Variants in SRC observed in about 807,000 individuals in gnomAD.
SRC encodes SRC proto-oncogene, non-receptor tyrosine kinase.
A neutral mutation model predicts 62.9 loss-of-function variants in SRC; 13 were observed. The observed-to-expected ratio is 0.21, with a 90% CI of 0.13 to 0.33. The LOEUF (loss-of-function observed/expected upper bound fraction) is 0.33. Among genes scored for constraint, SRC ranks in the 10% least tolerant of loss-of-function variants. SRC has a pLI of 1.00. For synonymous variants in SRC, 302 were observed against 317.5 expected (o/e 0.95, Z 0.52); for missense variants, 457 against 737.3 (o/e 0.62, Z 4.40).
chr20:37,374,494 T>C (rs1271924805), intron 2 of SRC, among the ~76,000 whole-genome samples: 1 of 152,158 alleles, frequency 6.6e-6, no homozygotes, highest in Non-Finnish European at 1.5e-5. Context: ...CTTAATTTGC[T>C]TTTGGTTTAA....
intron 1 of SRC, among the ~76,000 whole-genome samples, chr20:37,346,465 C>A (rs1232209481): frequency 7.1e-6 from 1 of 140,090 alleles, no homozygotes; most frequent in Non-Finnish European, 1.6e-5. Context: ...TGTGATGCAG[C>A]GGGGGGAGGG....
chr20:37,369,278 A>C (rs2070125172), intron 2 of SRC, among the ~76,000 whole-genome samples: 1 of 152,188 alleles, frequency 6.6e-6, no homozygotes, highest in Admixed American at 6.5e-5. Flanking sequence ...CATCTTAATA[A>C]TATTTAGGCT....
intron 2 of SRC, among the ~76,000 whole-genome samples, chr20:37,379,448 A>C (rs2070327830): frequency 6.6e-6 from 1 of 152,072 alleles, no homozygotes; most frequent in South Asian, 2.1e-4. Flanking sequence ...ATGAGGTCCC[A>C]CGGCATGGAA....
chr20:37,379,171 G>A (rs1490911377), intron 2 of SRC, among the ~76,000 whole-genome samples: 1 of 152,096 alleles, frequency 6.6e-6, no homozygotes, highest in African/African-American at 2.4e-5. Context: ...GTCTGCTGAG[G>A]AGTCCAGAGC....
chr20:37,372,704 T>C (rs2070185107), intron 2 of SRC, among the ~76,000 whole-genome samples: 1 of 152,204 alleles, frequency 6.6e-6, no homozygotes, highest in Non-Finnish European at 1.5e-5. Flanking sequence ...ATGAGTGAGG[T>C]TGAGCATCTT....
Position 37,396,306 on chromosome 20 carries a change from A to G in SRC, c.698A>G (p.Tyr233Cys). 1 of 1,612,666 alleles carries G rather than the reference A, an allele frequency of 6.2e-7. No homozygotes were observed. The change falls in exon 8 of 14, where the codon TAC (tyrosine) becomes TGC (cysteine). Residue 233 changes from tyrosine (Y) to cysteine (C), a missense_variant. Tyr to Cys is a radical substitution (Grantham distance 194). Around this residue, in one of 4 missense-constraint regions of SRC, gnomAD observed 141 missense variants for 198.4 expected, o/e 0.71. Transcript: ENST00000373578. The surrounding 1 kb of genome is among the most constrained non-coding windows in gnomAD (Gnocchi z 6.1). ...FNSLQQLVAY[Y>C]SKHADGLCHR... Reference sequence around the variant, plus strand: ...AGCCTGCAGCAGCTGGTGGCCTACTACTCCAGTGAGCCAGCCTCGGAGGGC... The same window carrying G: ...AGCCTGCAGCAGCTGGTGGCCTACTGCTCCAGTGAGCCAGCCTCGGAGGGC...
intron 2 of SRC, among the ~76,000 whole-genome samples, chr20:37,373,307 A>C (rs2070214191): frequency 6.6e-6 from 1 of 151,834 alleles, no homozygotes; most frequent in African/African-American, 2.4e-5. Context: ...ACACATGCAC[A>C]CATTACATAT....
At chr20:37,373,390 T>C (rs1600981643) in intron 2 of SRC, among the ~76,000 whole-genome samples, 1 of 151,862 alleles carries the variant, frequency 6.6e-6, no homozygotes, top group Admixed American at 6.5e-5. Context: ...ATTATACACA[T>C]ATATGCGTAT....
In SRC at chr20:37,359,129, G is replaced by T. The variant is rs1374174737; in HGVS notation, c.-246-6075G>T. Reference sequence around the variant, plus strand: ...CTCTGCCGCAGAGATGGACCAGGCAGGTGGCAGGAGGGCACAGTGGTGGGG... The same window carrying T: ...CTCTGCCGCAGAGATGGACCAGGCATGTGGCAGGAGGGCACAGTGGTGGGG... On this transcript the variant is annotated intron_variant, in intron 1 of 13. Transcript: ENST00000373578. Among the ~76,000 whole-genome samples, 4 of 152,264 alleles carry T rather than the reference G, an allele frequency of 2.6e-5. No homozygotes were observed. The East Asian group carries it at 7.7e-4, about 29-fold the overall frequency.
At position 37,384,513 on chromosome 20, in the gene SRC, G is replaced by T. The variant is rs1381922288; in HGVS notation, c.250+110G>T. ...TCTGCGCAGGCCCTTCCTCTCGCCA[G>T]GGGTAGCGCCCCTGGGTGACTTGGG... On this transcript the variant is annotated intron_variant, in intron 4 of 13. Coordinates refer to ENST00000373578, the MANE Select transcript of SRC (RefSeq NM_198291.3). The surrounding 1 kb of genome is among the most constrained non-coding windows in gnomAD (Gnocchi z 6.7). 5.0e-6 allele frequency: 6 copies of T among 1,200,248 alleles called. No individual in the cohort carries two copies. Among genetic ancestry groups the T allele is most frequent in the Non-Finnish European group, 6.3e-6 (6 of 958,550 alleles). 74.3% of individuals were successfully genotyped at this position (1,200,248 alleles called of 1,614,324 possible).
intron 1 of SRC, among the ~76,000 whole-genome samples, chr20:37,348,166 A>G (rs2069750426): frequency 6.6e-6 from 1 of 152,106 alleles, no homozygotes; most frequent in Admixed American, 6.5e-5. Flanking sequence ...CGCCAGGCTT[A>G]GCTTAGGCCC....
chr20:37,373,316 A>G (rs146215709), intron 2 of SRC, among the ~76,000 whole-genome samples: 1 of 151,786 alleles, frequency 6.6e-6, no homozygotes, highest in African/African-American at 2.4e-5. Flanking sequence ...CACATTACAT[A>G]TGTACACACA....
chr20:37,346,658 C>T (rs1017153651), intron 1 of SRC, among the ~76,000 whole-genome samples: 2 of 151,814 alleles, frequency 1.3e-5, no homozygotes, highest in Non-Finnish European at 2.9e-5. Context: ...CCTGCGCCCC[C>T]CGGCCCCGGG....
intron 1 of SRC, among the ~76,000 whole-genome samples, chr20:37,361,795 G>A (rs963743049): frequency 7.2e-6 from 1 of 139,176 alleles, no homozygotes; most frequent in Non-Finnish European, 1.6e-5. Flanking sequence ...GCCTCTGTGT[G>A]CAGGTAGAGA....
rs374511624 is a variant in SRC, at chr20:37,403,384, A to G, written c.*5A>G. 1.3e-6 allele frequency: 2 copies of G among 1,580,160 alleles called. No homozygotes were observed. Reference sequence around the variant, plus strand: ...CAGCCCGGGGAGAACCTCTAGGCACAGGCGGGCCCAGACCGGCTTCTCGGC... The same window carrying G: ...CAGCCCGGGGAGAACCTCTAGGCACGGGCGGGCCCAGACCGGCTTCTCGGC... On this transcript the variant is annotated 3_prime_UTR_variant, in exon 14 of 14. Coordinates refer to ENST00000373578, the MANE Select transcript of SRC (RefSeq NM_198291.3). This position sits in a 1 kb window ranked among gnomAD's most constrained non-coding sequence, Gnocchi z 7.1.
chr20:37,384,556 G>T lies in SRC; in HGVS notation c.250+153G>T, dbSNP rs575191778. 6.6e-6 allele frequency among the ~76,000 whole-genome samples: 1 copy of T among 151,626 alleles called. No homozygotes were observed. Among genetic ancestry groups the T allele is most frequent in the African/African-American group, 2.4e-5 (1 of 41,148 alleles). ...GACTTGGGTGTCCGGGGGGTGGGGG[G>T]GCGGCCGTACACACTGTGAAGCGTC... On this transcript the variant is annotated intron_variant, in intron 4 of 13. Transcript: ENST00000373578. The surrounding 1 kb of genome is among the most constrained non-coding windows in gnomAD (Gnocchi z 6.7).
chr20:37,374,081 ATTT>A (rs146262957), intron 2 of SRC, among the ~76,000 whole-genome samples: 32,268 of 142,758 alleles, frequency 0.23, 4,977 homozygotes, highest in African/African-American at 0.45. Flanking sequence ...TTTATGAATA[ATTT>A]TTTTTTTTTT....
chr20:37,401,028 G>T (rs2070728956), intron 10 of SRC, among the ~76,000 whole-genome samples: 1 of 151,572 alleles, frequency 6.6e-6, no homozygotes, highest in Non-Finnish European at 1.5e-5. Flanking sequence ...ATGAGGTCTT[G>T]CTATGTTGCC....
At chr20:37,400,470 C>T (rs1044036686) in intron 10 of SRC, among the ~76,000 whole-genome samples, 176 bp downstream of exon 10, 2 of 152,152 alleles carry the variant, frequency 1.3e-5, no homozygotes, top group African/African-American at 4.8e-5. Context: ...ACTTCAGCCT[C>T]AACCTTCCAG....
Sources: gnomAD v4.1 joint callset for allele counts (sites outside exome capture counted in the v4.1 genomes callset) on GRCh38, gnomAD v4.1.1 for gene constraint, gnomAD v4.1.1 regional missense constraint, Gnocchi (gnomAD v3.1) non-coding constraint, MANE v1.5 for transcripts, NCBI Gene and HGNC (gene_info 2026-07-23, HGNC 2026-07-21) for gene names.